ASIC2: variants seen among roughly 807,000 people sequenced by gnomAD.
ASIC2 encodes the protein acid sensing ion channel subunit 2.
A neutral mutation model predicts 57.3 loss-of-function variants in ASIC2; 25 were observed. That is an observed-to-expected ratio of 0.44 (90% CI 0.32 to 0.61). ASIC2 has a LOEUF of 0.61. ASIC2 is among the 20% of genes least tolerant of loss of function. The pLI is 0.06. For synonymous variants in ASIC2, 319 were observed against 307.5 expected (o/e 1.04, Z -0.39); for missense variants, 641 against 738.1 (o/e 0.87, Z 1.52).
intron 1 of ASIC2, among the ~76,000 whole-genome samples, chr17:33,856,493 T>C (rs78757220): frequency 6.8e-6 from 1 of 147,704 alleles, no homozygotes; most frequent in Non-Finnish European, 1.5e-5. Context: ...GCAGTAGTAA[T>C]AGTGTTGTCA....
At chr17:33,637,204 G>A (rs1373131887) in intron 1 of ASIC2, among the ~76,000 whole-genome samples, 1 of 152,066 alleles carries the variant, frequency 6.6e-6, no homozygotes, top group African/African-American at 2.4e-5. Flanking sequence ...AGGTAGCAAG[G>A]AGCAGGTTTT....
chr17:33,619,933 C>T lies in ASIC2; in HGVS notation c.556-507866G>A, dbSNP rs116431957. Among the ~76,000 whole-genome samples, 1,062 of 152,132 alleles carry T rather than the reference C, an allele frequency of 7.0e-3. 19 individuals are homozygous for T. The highest frequency in any genetic ancestry group is 0.023 in the African/African-American group (972 of 41,500). On this transcript the variant is annotated intron_variant, in intron 1 of 9. Coordinates refer to the ASIC2 transcript ENST00000359872. ...GAGCAATTGCGTCTCAAAAGAAAGC[C>T]GTGCAATGCAGACAGCATTTGGAAA...
At chr17:33,884,743 C>A (rs1914787619) in intron 1 of ASIC2, among the ~76,000 whole-genome samples, 1 of 148,480 alleles carries the variant, frequency 6.7e-6, no homozygotes, top group Admixed American at 6.7e-5. Flanking sequence ...AAGCTAGATT[C>A]ACTCTTTGAC....
At chr17:33,695,881 T>C (rs373103668) in intron 1 of ASIC2, among the ~76,000 whole-genome samples, 108 of 152,400 alleles carry the variant, frequency 7.1e-4, no homozygotes, top group Middle Eastern at 3.4e-3. Context: ...TAAAAAATAC[T>C]AATTTACTTA....
chr17:33,726,718 A>G (rs977844198), intron 1 of ASIC2, among the ~76,000 whole-genome samples: 3 of 152,220 alleles, frequency 2.0e-5, no homozygotes, highest in African/African-American at 7.2e-5. Context: ...TTCCTTAGGC[A>G]TCCTGGGATA....
chr17:34,010,889 T>A (rs1906693807), intron 1 of ASIC2, among the ~76,000 whole-genome samples: 1 of 151,958 alleles, frequency 6.6e-6, no homozygotes, highest in Non-Finnish European at 1.5e-5. Flanking sequence ...CAGAGTGTTG[T>A]CTTAATTAAT....
At chr17:33,077,057 C>T (rs914568595) in intron 3 of ASIC2, among the ~76,000 whole-genome samples, 13 of 152,056 alleles carry the variant, frequency 8.5e-5, no homozygotes, top group Non-Finnish European at 1.5e-4. Flanking sequence ...TTTATATTCC[C>T]CTCAACAGCT....
chr17:34,148,671 A>G (rs980313537), intron 1 of ASIC2, among the ~76,000 whole-genome samples: 3 of 152,182 alleles, frequency 2.0e-5, no homozygotes, highest in African/African-American at 7.2e-5. Flanking sequence ...ATCATGGAGC[A>G]GGGTTGGGCC....
intron 1 of ASIC2, among the ~76,000 whole-genome samples, chr17:34,008,581 A>G (rs2142019603): frequency 6.6e-6 from 1 of 152,324 alleles, no homozygotes; most frequent in African/African-American, 2.4e-5. Flanking sequence ...CTGAGAGAGA[A>G]AGAGAGAGGG....
intron 1 of ASIC2, among the ~76,000 whole-genome samples, chr17:33,396,963 C>T (rs1198093834): frequency 6.6e-6 from 1 of 152,204 alleles, no homozygotes; most frequent in Non-Finnish European, 1.5e-5. Flanking sequence ...GTTTATTCTT[C>T]CCTCCCCTAC....
intron 1 of ASIC2, among the ~76,000 whole-genome samples, chr17:34,035,241 C>G (rs1346107739): frequency 6.9e-5 from 10 of 144,826 alleles, no homozygotes; most frequent in Non-Finnish European, 1.5e-4. Flanking sequence ...ACAAACCTGA[C>G]AGAAACAAGC....
At chr17:33,016,371 C>T (rs1441613699) in intron 8 of ASIC2, among the ~76,000 whole-genome samples, 1 of 152,134 alleles carries the variant, frequency 6.6e-6, no homozygotes, top group Non-Finnish European at 1.5e-5. Context: ...CAGGAGCAGC[C>T]TTGGGACCCC....
At chr17:33,703,525 G>A (rs1185472437) in intron 1 of ASIC2, among the ~76,000 whole-genome samples, 2 of 151,970 alleles carry the variant, frequency 1.3e-5, no homozygotes, top group Admixed American at 1.3e-4. Context: ...ACTAATTTCT[G>A]TAGTTTTTGT....
At chr17:33,499,153 G>A (rs763934767) in intron 1 of ASIC2, among the ~76,000 whole-genome samples, 1 of 152,160 alleles carries the variant, frequency 6.6e-6, no homozygotes, top group Non-Finnish European at 1.5e-5. Flanking sequence ...GATTGAAGTG[G>A]GGGTGTCTAC....
upstream of ASIC2, among the ~76,000 whole-genome samples, chr17:33,295,609 A>C (rs887584187): frequency 2.0e-5 from 3 of 152,144 alleles, no homozygotes; most frequent in African/African-American, 7.2e-5. Context: ...GTTTGTGTCC[A>C]AGCCTTTCTG....
intron 1 of ASIC2, among the ~76,000 whole-genome samples, chr17:34,124,033 A>G (rs1911702658): frequency 6.6e-6 from 1 of 152,198 alleles, no homozygotes; most frequent in Non-Finnish European, 1.5e-5. Flanking sequence ...ATGAGCCAAG[A>G]TCATGCCACT....
chr17:33,920,038 G>T (rs1915674620), intron 1 of ASIC2, among the ~76,000 whole-genome samples: 1 of 152,182 alleles, frequency 6.6e-6, no homozygotes. Flanking sequence ...TGGTGAAGCT[G>T]CAGAGAAAAG....
chr17:33,209,958 C>T (rs1907210476), intron 1 of ASIC2, among the ~76,000 whole-genome samples: 1 of 152,188 alleles, frequency 6.6e-6, no homozygotes, highest in African/African-American at 2.4e-5. Context: ...CTGACTTGGT[C>T]TGTTTTGGTC....
At chr17:33,316,664 T>C (rs933212863) in intron 1 of ASIC2, among the ~76,000 whole-genome samples, 3 of 152,320 alleles carry the variant, frequency 2.0e-5, no homozygotes, top group African/African-American at 7.2e-5. Flanking sequence ...ATTAAAGATT[T>C]ATGTTACTGA....
Sources: gnomAD v4.1 joint callset for allele counts (sites outside exome capture counted in the v4.1 genomes callset) on GRCh38, gnomAD v4.1.1 for gene constraint, MANE v1.5 for transcripts, NCBI Gene and HGNC (gene_info 2026-07-23, HGNC 2026-07-21) for gene names.